TNKS: variants seen among roughly 807,000 people sequenced by gnomAD.
TNKS encodes the protein tankyrase, also known as poly [ADP-ribose] polymerase tankyrase-1.
In TNKS, 72 loss-of-function variants were observed where a neutral mutation model predicts 135.8. That is an observed-to-expected ratio of 0.53 (90% CI 0.44 to 0.64). The LOEUF (loss-of-function observed/expected upper bound fraction) is 0.64, where lower values mean the gene tolerates loss of function less well. Among genes scored for constraint, TNKS ranks in the 30% least tolerant of loss-of-function variants. The pLI is 0.00. For synonymous variants in TNKS, 849 were observed against 649.3 expected (o/e 1.31, Z -4.68); for missense variants, 1,769 against 1,674.0 (o/e 1.06, Z -0.99).
intron 20 of TNKS, among the ~76,000 whole-genome samples, chr8:9,757,216 C>G (rs191658012): frequency 6.6e-6 from 1 of 152,122 alleles, no homozygotes; most frequent in East Asian, 1.9e-4. Flanking sequence ...ACCCCGTGAT[C>G]TGCCCGCCTT....
At chr8:9,690,363 T>C (rs1803207933) in intron 5 of TNKS, among the ~76,000 whole-genome samples, 1 of 152,214 alleles carries the variant, frequency 6.6e-6, no homozygotes, top group Admixed American at 6.5e-5. Flanking sequence ...GATTACCCTA[T>C]GGATTTCTTG....
At chr8:9,590,061 A>G (rs554954055) in intron 2 of TNKS, among the ~76,000 whole-genome samples, 1 of 152,350 alleles carries the variant, frequency 6.6e-6, no homozygotes, top group African/African-American at 2.4e-5. Flanking sequence ...GCCCTGTGCA[A>G]CTGCACAGCT....
chr8:9,774,334 T>A (rs533117146), intron 26 of TNKS, among the ~76,000 whole-genome samples: 1 of 152,188 alleles, frequency 6.6e-6, no homozygotes, highest in South Asian at 2.1e-4. Context: ...ACATACAGAA[T>A]CATTCAAGAG....
chr8:9,689,935 C>T (rs923460068), intron 5 of TNKS, among the ~76,000 whole-genome samples: 24 of 152,292 alleles, frequency 1.6e-4, no homozygotes, highest in Admixed American at 1.6e-3. Flanking sequence ...TACGTAGAAT[C>T]TTTGATGCTT....
chr8:9,630,332 A>C (rs939352389), intron 3 of TNKS, among the ~76,000 whole-genome samples: 6 of 152,212 alleles, frequency 3.9e-5, no homozygotes, highest in Non-Finnish European at 7.3e-5. Context: ...GGTAAAATCA[A>C]AACAGCATAC....
chr8:9,731,334 C>T (rs1450600052), intron 14 of TNKS, among the ~76,000 whole-genome samples: 6 of 151,952 alleles, frequency 3.9e-5, no homozygotes, highest in Non-Finnish European at 8.8e-5. Flanking sequence ...GTGGCACATG[C>T]CTGTAATCCC....
intron 3 of TNKS, chr8:9,670,169 G>A (rs1802209722): frequency 6.6e-6 from 1 of 152,182 alleles, no homozygotes; most frequent in Non-Finnish European, 1.5e-5. Context: ...TGTTTATTAT[G>A]ATTTCAGAAA....
intron 20 of TNKS, among the ~76,000 whole-genome samples, chr8:9,760,227 T>TTTTG (rs1251349597): frequency 6.6e-6 from 1 of 152,176 alleles, no homozygotes; most frequent in Non-Finnish European, 1.5e-5. Context: ...GGGTTTGTTG[T>TTTTG]TTTGTTTTGT....
At chr8:9,610,021 C>G (rs1013425084) in intron 2 of TNKS, among the ~76,000 whole-genome samples, 5 of 151,990 alleles carry the variant, frequency 3.3e-5, no homozygotes, top group African/African-American at 9.7e-5. Context: ...CCACGCCTGG[C>G]TAATTTTTTG....
At chr8:9,730,059 G>A (rs1237232528) in intron 13 of TNKS, among the ~76,000 whole-genome samples, 1 of 152,138 alleles carries the variant, frequency 6.6e-6, no homozygotes, top group Non-Finnish European at 1.5e-5. Flanking sequence ...GCAGGCGTGA[G>A]CCAACGCACC....
At chr8:9,658,359 C>G (rs918938708) in intron 3 of TNKS, 1 of 1,198,880 alleles carries the variant, frequency 8.3e-7, no homozygotes, top group Non-Finnish European at 1.1e-6. Flanking sequence ...AGGCGGCGCT[C>G]GCCGGCGCGG....
chr8:9,766,316 G>A lies in TNKS; in HGVS notation c.3631G>A (p.Gly1211Arg), dbSNP rs1163933050. 6 of 1,613,726 alleles carry A rather than the reference G, an allele frequency of 3.7e-6. No homozygotes were observed. Among genetic ancestry groups the A allele is most frequent in the South Asian group, 1.1e-5 (1 of 91,054 alleles). Reference protein sequence around the residue: ...HAYIGGMFGAGIYFAENSSKS... With the variant: ...HAYIGGMFGARIYFAENSSKS... ...ATACATAGGAGGAATGTTTGGGGCC[G>A]GGATTTATTTTGCTGAAAACTCCTC... The change falls in exon 25 of 27, where the codon GGG becomes AGG. Residue 1211 changes from glycine to arginine, a missense_variant. Physicochemically the swap from Gly to Arg is moderately radical, Grantham distance 125. Around this residue, in one of 5 missense-constraint regions of TNKS, gnomAD observed 722 missense variants for 688.9 expected, o/e 1.05. Coordinates refer to ENST00000310430, the MANE Select transcript of TNKS (RefSeq NM_003747.3).
intron 2 of TNKS, among the ~76,000 whole-genome samples, chr8:9,604,168 A>G (rs1013072117): frequency 2.6e-5 from 4 of 152,154 alleles, no homozygotes; most frequent in African/African-American, 9.7e-5. Flanking sequence ...TTATAGGCAC[A>G]TTACCTCAGT....
At chr8:9,697,492 C>T (rs1228190418) in intron 5 of TNKS, among the ~76,000 whole-genome samples, 1 of 152,072 alleles carries the variant, frequency 6.6e-6, no homozygotes, top group Non-Finnish European at 1.5e-5. Context: ...AAGAAACTAC[C>T]AGCAGAGTAA....
intron 26 of TNKS, among the ~76,000 whole-genome samples, chr8:9,775,260 A>G (rs1226440050): frequency 6.6e-6 from 1 of 151,920 alleles, no homozygotes; most frequent in Non-Finnish European, 1.5e-5. Flanking sequence ...AAAACTACAG[A>G]TAGTTTCTTT....
chr8:9,583,284 G>A (rs1798240770), intron 2 of TNKS, among the ~76,000 whole-genome samples: 1 of 151,526 alleles, frequency 6.6e-6, no homozygotes, highest in African/African-American at 2.4e-5. Context: ...AAATCAACTT[G>A]AAATGCTTGT....
At chr8:9,764,072 A>T (rs747398179) in intron 22 of TNKS, among the ~76,000 whole-genome samples, 1 of 152,134 alleles carries the variant, frequency 6.6e-6, no homozygotes, top group Non-Finnish European at 1.5e-5. Flanking sequence ...TTTGATAACA[A>T]TGTCAAAAAT....
chr8:9,601,384 T>A (rs1333882037), intron 2 of TNKS, among the ~76,000 whole-genome samples: 2 of 152,176 alleles, frequency 1.3e-5, no homozygotes, highest in Non-Finnish European at 2.9e-5. Flanking sequence ...CAAGTACTCT[T>A]TGCTGAGAAC....
intron 20 of TNKS, among the ~76,000 whole-genome samples, chr8:9,759,724 C>T (rs1022025021): frequency 6.6e-6 from 1 of 152,102 alleles, no homozygotes; most frequent in Non-Finnish European, 1.5e-5. Flanking sequence ...CCTGTAATCC[C>T]AGCACTTTGG....
Sources: gnomAD v4.1 joint callset for allele counts (sites outside exome capture counted in the v4.1 genomes callset) on GRCh38, gnomAD v4.1.1 for gene constraint, gnomAD v4.1.1 regional missense constraint, MANE v1.5 for transcripts, NCBI Gene and HGNC (gene_info 2026-07-23, HGNC 2026-07-21) for gene names.